The following SWI5 variants were observed in gnomAD, a reference collection of about 807,000 sequenced individuals.
SWI5 encodes SWI5 homologous recombination repair protein.
Under a neutral mutation model 17.0 loss-of-function variants are expected in SWI5, and 12 were observed. The observed-to-expected ratio is 0.71, with a 90% confidence interval of 0.45 to 1.14. SWI5 has a LOEUF of 1.14. Among genes scored for constraint, SWI5 ranks in the 50% most tolerant of loss-of-function variants. The probability of loss-of-function intolerance (pLI) is 0.00; values close to 1 mark genes in which losing one functional copy is unlikely to be tolerated. For missense variants in SWI5, 158 were observed against 162.2 expected, an observed-to-expected ratio of 0.97 and a Z score of 0.14; for synonymous variants, 61 against 64.0, an observed-to-expected ratio of 0.95 and a Z score of 0.22.
upstream of SWI5, chr9:128,276,001 G>C: frequency 6.3e-7 from 1 of 1,595,710 alleles, no homozygotes; most frequent in Non-Finnish European, 8.6e-7. Context: ...CAACCACTGC[G>C]GAAGTCAGTC....
chr9:128,275,980 C>A (rs1248416801), upstream of SWI5: 1 of 1,598,944 alleles, frequency 6.3e-7, no homozygotes, highest in East Asian at 2.2e-5. Flanking sequence ...GCCACATCAG[C>A]GCGATCCCGG....
chr9:128,282,319 G>A (rs989382932), intron 2 of SWI5, among the ~76,000 whole-genome samples: 9 of 152,132 alleles, frequency 5.9e-5, no homozygotes, highest in South Asian at 4.2e-4. Context: ...TCCGGGAGGC[G>A]GAGGTTGCAG....
Position 128,276,419 on chromosome 9 carries a change from C to T in SWI5, c.62+17C>T, listed in dbSNP as rs759122854. On this transcript the variant is annotated intron_variant, in intron 1 of 4. Coordinates refer to ENST00000418976, the Ensembl canonical transcript of SWI5. ...GCTCAGGAGGTGGGCGAGGAACGGA[C>T]TCCACAGTTTCTTTCCTGACTCCTC... 6.2e-7 allele frequency: 1 copy of T among 1,610,784 alleles called. No individual in the cohort carries two copies. The highest frequency in any genetic ancestry group is 2.2e-5 in the East Asian group (1 of 44,794).
At chr9:128,275,448 A>T, upstream of SWI5, 1 of 1,298,216 alleles carries the variant, frequency 7.7e-7, no homozygotes, top group Non-Finnish European at 9.8e-7. Context: ...AGGTCCTTGG[A>T]GACCCGAGAC....
In SWI5 at chr9:128,285,311, A is replaced by G. The variant is rs532081504; in HGVS notation, c.234-628A>G. 2.6e-5 allele frequency among the ~76,000 whole-genome samples: 4 copies of G among 151,962 alleles called. No homozygotes were observed. Among genetic ancestry groups the G allele is most frequent in the South Asian group, 2.1e-4 (1 of 4,814 alleles). ...GAAGGAAGGAAAGGAAGGAAGGAAG[A>G]AAGAAAGGAAGGACTATGCTTCTGG... is the stretch of plus-strand genomic sequence containing the variant. On this transcript the variant is annotated intron_variant, in intron 3 of 4. Coordinates refer to ENST00000418976, the Ensembl canonical transcript of SWI5. This position sits in a 1 kb window ranked among gnomAD's most constrained non-coding sequence, Gnocchi z 4.8.
chr9:128,283,560 C>T (rs113550911), intron 2 of SWI5, among the ~76,000 whole-genome samples: 16 of 152,250 alleles, frequency 1.1e-4, no homozygotes, highest in African/African-American at 3.9e-4. Context: ...CAAGACAGAC[C>T]TGGAGCAGAT....
At chr9:128,277,244 C>A (rs1831426110) in intron 2 of SWI5, among the ~76,000 whole-genome samples, 1 of 152,118 alleles carries the variant, frequency 6.6e-6, no homozygotes, top group Non-Finnish European at 1.5e-5. Flanking sequence ...ACTACAACTA[C>A]CACCACTCTT....
At chr9:128,288,437 G>A (rs1831682246) in intron 4 of SWI5, among the ~76,000 whole-genome samples, 1 of 152,220 alleles carries the variant, frequency 6.6e-6, no homozygotes, top group Non-Finnish European at 1.5e-5. Flanking sequence ...ACATGGCAGA[G>A]CTCCAGCGTG....
At chr9:128,277,931 G>T (rs1377128376) in intron 2 of SWI5, among the ~76,000 whole-genome samples, 3 of 149,384 alleles carry the variant, frequency 2.0e-5, no homozygotes, top group Non-Finnish European at 4.4e-5. Context: ...TCTCATTCAT[G>T]CTAATTCATT....
At chr9:128,282,046 T>C (rs373845748) in intron 2 of SWI5, among the ~76,000 whole-genome samples, 5 of 152,220 alleles carry the variant, frequency 3.3e-5, no homozygotes, top group African/African-American at 2.4e-5. Flanking sequence ...GCTACCGCAC[T>C]CCAGCATGGA....
intron 4 of SWI5, among the ~76,000 whole-genome samples, chr9:128,287,623 G>T (rs1299982422): frequency 6.9e-6 from 1 of 144,972 alleles, no homozygotes; most frequent in African/African-American, 2.6e-5. Context: ...GTGCAGTGGC[G>T]TGATCTCGGC....
At chr9:128,278,166 G>A (rs1831468869) in intron 2 of SWI5, among the ~76,000 whole-genome samples, 2 of 151,938 alleles carry the variant, frequency 1.3e-5, no homozygotes, top group Non-Finnish European at 2.9e-5. Context: ...TGTTGCCCAG[G>A]CTGGTCTCAA....
At chr9:128,277,537 G>C (rs1588501106) in intron 2 of SWI5, among the ~76,000 whole-genome samples, 1 of 152,198 alleles carries the variant, frequency 6.6e-6, no homozygotes, top group Non-Finnish European at 1.5e-5. Flanking sequence ...CTGGACAACA[G>C]AGCTAGACAA....
At chr9:128,275,643 T>C, upstream of SWI5, 1 of 667,196 alleles carries the variant, frequency 1.5e-6, no homozygotes, top group Non-Finnish European at 2.4e-6. Context: ...GGGCAGGAGG[T>C]GAGGGCCGAG....
At chr9:128,276,458 A>G in intron 1 of SWI5, 56 bp downstream of exon 1, 2 of 1,592,978 alleles carry the variant, frequency 1.3e-6, no homozygotes, top group Non-Finnish European at 1.7e-6. Context: ...GCCCTGCCCC[A>G]GACTCTCCCT....
upstream of SWI5, chr9:128,276,057 G>T: frequency 1.3e-6 from 2 of 1,586,708 alleles, no homozygotes; most frequent in Non-Finnish European, 1.7e-6. Flanking sequence ...GCGTAACCAG[G>T]GCGATACTGG....
chr9:128,277,415 G>A (rs1488326732), intron 2 of SWI5, among the ~76,000 whole-genome samples: 3 of 152,142 alleles, frequency 2.0e-5, no homozygotes, highest in Admixed American at 6.5e-5. Context: ...TCAGCCGAGC[G>A]TGGTGGTGCA....
Position 128,285,890 on chromosome 9 carries a change from G to A in SWI5, c.234-49G>A. ...CTATCTGAGCCTGGGGCCATCATCT[G>A]CTTTCTTAACTGGGCTGTCTTTCCC... On this transcript the variant is annotated intron_variant, in intron 3 of 4. Coordinates refer to ENST00000418976, the Ensembl canonical transcript of SWI5. This position sits in a 1 kb window ranked among gnomAD's most constrained non-coding sequence, Gnocchi z 4.8. 2 of 1,340,780 alleles carry A rather than the reference G, an allele frequency of 1.5e-6. No individual in the cohort carries two copies. Among genetic ancestry groups the A allele is most frequent in the Non-Finnish European group, 2.1e-6 (2 of 932,782 alleles). 83.1% of individuals were successfully genotyped at this position (1,340,780 alleles called of 1,614,324 possible).
intron 2 of SWI5, among the ~76,000 whole-genome samples, chr9:128,282,832 A>G (rs941036017): frequency 6.6e-6 from 1 of 152,252 alleles, no homozygotes; most frequent in Non-Finnish European, 1.5e-5. Flanking sequence ...TTCTACAGGC[A>G]GAAAGGGCAA....
Sources: gnomAD v4.1 joint callset for allele counts (sites outside exome capture counted in the v4.1 genomes callset) on GRCh38, gnomAD v4.1.1 for gene constraint, Gnocchi (gnomAD v3.1) non-coding constraint, MANE v1.5 for transcripts, NCBI Gene and HGNC (gene_info 2026-07-23, HGNC 2026-07-21) for gene names.